Variants in SBF2 observed in about 807,000 individuals in gnomAD.
SBF2 encodes myotubularin-related protein 13.
In SBF2, 112 loss-of-function variants were observed where a neutral mutation model predicts 225.2. The observed-to-expected ratio is 0.50, with a 90% CI of 0.43 to 0.58. The LOEUF (loss-of-function observed/expected upper bound fraction) is 0.58, where lower values mean the gene tolerates loss of function less well. Ranked by LOEUF, SBF2 falls within the 20% of genes least tolerant of loss-of-function variation. The pLI is 0.00. For missense variants in SBF2, 1,996 were observed against 2,206.2 expected, an observed-to-expected ratio of 0.90 and a Z score of 1.91; for synonymous variants, 763 against 773.3, an observed-to-expected ratio of 0.99 and a Z score of 0.22.
At chr11:10,263,613 C>T (rs1338245109) in intron 1 of SBF2, among the ~76,000 whole-genome samples, 1 of 151,962 alleles carries the variant, frequency 6.6e-6, no homozygotes, top group Non-Finnish European at 1.5e-5. Flanking sequence ...ACATTAGGTT[C>T]CTTATTTATA....
intron 1 of SBF2, among the ~76,000 whole-genome samples, chr11:10,291,067 C>CGTTGT (rs1964131084): frequency 6.6e-6 from 1 of 152,158 alleles, no homozygotes; most frequent in Admixed American, 6.5e-5. Context: ...ACCATAAGAA[C>CGTTGT]ACAGAAGCCA....
At chr11:9,838,795 T>G (rs2133950055) in intron 26 of SBF2, 1 of 152,304 alleles carries the variant, frequency 6.6e-6, no homozygotes, top group African/African-American at 2.4e-5. Flanking sequence ...AACTTGTGGA[T>G]GGTGAAAATG....
chr11:9,877,886 A>T (rs1859403716), intron 17 of SBF2, among the ~76,000 whole-genome samples: 1 of 152,174 alleles, frequency 6.6e-6, no homozygotes, highest in Non-Finnish European at 1.5e-5. Flanking sequence ...TAGCAGCATG[A>T]TTTATAATCC....
At chr11:10,216,899 A>C (rs1032222358) in intron 1 of SBF2, among the ~76,000 whole-genome samples, 4 of 152,284 alleles carry the variant, frequency 2.6e-5, no homozygotes, top group Admixed American at 1.3e-4. Flanking sequence ...AAAAGTAGAA[A>C]GGGATAAAAA....
intron 2 of SBF2, among the ~76,000 whole-genome samples, chr11:10,111,803 G>C (rs1952869398): frequency 6.6e-6 from 1 of 152,212 alleles, no homozygotes; most frequent in Non-Finnish European, 1.5e-5. Context: ...CTTGAACCCG[G>C]GAGACAGAAA....
intron 1 of SBF2, among the ~76,000 whole-genome samples, chr11:10,280,946 A>G (rs1203337145): frequency 6.6e-6 from 1 of 152,154 alleles, no homozygotes; most frequent in Non-Finnish European, 1.5e-5. Flanking sequence ...ATGAAATGCA[A>G]AGCTTTTCAT....
chr11:10,140,977 A>T (rs950153917), intron 2 of SBF2, among the ~76,000 whole-genome samples: 1 of 152,156 alleles, frequency 6.6e-6, no homozygotes, highest in Non-Finnish European at 1.5e-5. Context: ...GCAAATCATG[A>T]TTGGAGGTAA....
At chr11:10,270,879 C>T (rs112363006) in intron 1 of SBF2, among the ~76,000 whole-genome samples, 1 of 151,580 alleles carries the variant, frequency 6.6e-6, no homozygotes, top group Non-Finnish European at 1.5e-5. Context: ...CCTGTAGTCC[C>T]AGCTACTGGG....
chr11:10,094,546 T>TTTTTTTTTTTTTTTTTA (rs56821180), intron 2 of SBF2, among the ~76,000 whole-genome samples: 5 of 146,070 alleles, frequency 3.4e-5, no homozygotes, highest in South Asian at 2.2e-4. Flanking sequence ...TTTTTTTTTT[T>TTTTTTTTTTTTTTTTTA]GAGACAGAGT....
At chr11:10,117,845 A>G (rs996590247) in intron 2 of SBF2, among the ~76,000 whole-genome samples, 1 of 151,770 alleles carries the variant, frequency 6.6e-6, no homozygotes, top group African/African-American at 2.4e-5. Flanking sequence ...GGAATGCTGT[A>G]TTCTCTAAGG....
intron 2 of SBF2, among the ~76,000 whole-genome samples, chr11:10,047,890 T>C (rs1403055702): frequency 6.6e-6 from 1 of 152,158 alleles, no homozygotes; most frequent in African/African-American, 2.4e-5. Context: ...AAGTCTTCTT[T>C]GAAACTTCCT....
Position 10,029,758 on chromosome 11 carries a change from T to C in SBF2, c.513+7A>G. ...TCCTTCTCCACCTCTCTTTCTATTC[T>C]ATTTACCTGAGACCCTCCAGCCGCT... On this transcript the variant is annotated splice_region_variant and intron_variant, in intron 5 of 39. Transcript: ENST00000256190. 1 of 1,569,992 alleles carries C rather than the reference T, an allele frequency of 6.4e-7. No homozygotes were observed. Among genetic ancestry groups the C allele is most frequent in the Non-Finnish European group, 8.8e-7 (1 of 1,139,810 alleles).
At position 10,263,927 on chromosome 11, in the gene SBF2, T is replaced by C. The variant is rs1591329919; in HGVS notation, c.55+30088A>G. Among the ~76,000 whole-genome samples the C allele has an allele frequency of 2.6e-5, 4 of 152,190 alleles. No homozygotes were observed. The South Asian group carries it at 8.3e-4, about 31-fold the overall frequency. On this transcript the variant is annotated intron_variant, in intron 1 of 39. Coordinates refer to ENST00000256190, the MANE Select transcript of SBF2 (RefSeq NM_030962.4). The stretch of plus-strand genomic sequence containing the variant: ...TGAGGAAAATTATCCAAACAGGTCT[T>C]AACAATAACCTGATAACTACAAAAA...
intron 1 of SBF2, 60 bp downstream of exon 1, chr11:10,293,955 C>A (rs1591380797): frequency 3.5e-6 from 4 of 1,131,308 alleles, no homozygotes; most frequent in Non-Finnish European, 4.5e-6. Flanking sequence ...CCCGCGGAGC[C>A]CACTGGACAG....
chr11:9,812,852 G>A (rs985599357), intron 29 of SBF2, 144 bp from the exon 30 acceptor site: 2 of 793,434 alleles, frequency 2.5e-6, no homozygotes, highest in Non-Finnish European at 4.2e-6. Context: ...AGTCAATCTT[G>A]TACAGCAATG....
intron 17 of SBF2, among the ~76,000 whole-genome samples, chr11:9,867,267 C>T (rs1858305492): frequency 6.6e-6 from 1 of 151,844 alleles, no homozygotes; most frequent in Non-Finnish European, 1.5e-5. Flanking sequence ...TACTATGTAC[C>T]CACAAAAATT....
At chr11:9,998,696 T>C (rs908164585) in intron 8 of SBF2, among the ~76,000 whole-genome samples, 1 of 152,230 alleles carries the variant, frequency 6.6e-6, no homozygotes, top group Non-Finnish European at 1.5e-5. Context: ...ACTGAAATTA[T>C]TAACTGGCAG....
At chr11:10,290,908 T>C (rs1281339386) in intron 1 of SBF2, among the ~76,000 whole-genome samples, 4 of 152,306 alleles carry the variant, frequency 2.6e-5, no homozygotes, top group South Asian at 4.1e-4. Flanking sequence ...CTTGAGATCT[T>C]AGCTTCTAAA....
chr11:9,991,668 C>CT (rs1947447001), intron 12 of SBF2, among the ~76,000 whole-genome samples: 1 of 152,064 alleles, frequency 6.6e-6, no homozygotes, highest in African/African-American at 2.4e-5. Context: ...AGGAAAGATG[C>CT]TTTTAAAAAA....
Sources: allele counts gnomAD v4.1 joint callset (sites outside exome capture counted in the v4.1 genomes callset), GRCh38; gene constraint gnomAD v4.1.1; transcripts MANE v1.5; gene names NCBI Gene and HGNC (gene_info 2026-07-23, HGNC 2026-07-21).